Variants in CNTNAP2 observed in about 807,000 individuals in gnomAD.
The protein encoded by CNTNAP2 is contactin associated protein 2, also known as contactin-associated protein-like 2.
A neutral mutation model predicts 155.2 loss-of-function variants in CNTNAP2; 98 were observed. The observed-to-expected ratio is 0.63, with a 90% CI of 0.54 to 0.75. CNTNAP2 has a LOEUF of 0.75. Among genes scored for constraint, CNTNAP2 ranks in the 30% least tolerant of loss-of-function variants. CNTNAP2 has a pLI of 0.00. For synonymous variants in CNTNAP2, 651 were observed against 631.2 expected (o/e 1.03, Z -0.47); for missense variants, 1,727 against 1,688.1 (o/e 1.02, Z -0.40).
chr7:148,149,335 T>A (rs997042350), intron 17 of CNTNAP2, among the ~76,000 whole-genome samples: 1 of 151,982 alleles, frequency 6.6e-6, no homozygotes, highest in South Asian at 2.1e-4. Context: ...GACCCAATAA[T>A]AACTTAAGAA....
At chr7:148,106,215 T>C (rs976089999) in intron 15 of CNTNAP2, among the ~76,000 whole-genome samples, 2 of 152,304 alleles carry the variant, frequency 1.3e-5, no homozygotes, top group Non-Finnish European at 2.9e-5. Flanking sequence ...TGCTTTCAGA[T>C]ATTTAGAGTT....
At position 147,728,488 on chromosome 7, in the gene CNTNAP2, A is replaced by G. The variant is rs145040597; in HGVS notation, c.2098+89182A>G. ...TGTCCATTTAGCGCCCAGAAATATCAAATGGGGATCAGAGTAGCCCTAAAA... is the reference window on the plus strand; with the variant it reads ...TGTCCATTTAGCGCCCAGAAATATCGAATGGGGATCAGAGTAGCCCTAAAA... On this transcript the variant is annotated intron_variant, in intron 13 of 23. Transcript: ENST00000361727. Among the ~76,000 whole-genome samples the G allele has an allele frequency of 3.2e-3, 492 of 152,140 alleles. 6 individuals are homozygous for G. Among genetic ancestry groups the G allele is most frequent in the African/African-American group, 0.011 (464 of 41,532 alleles).
At position 147,351,901 on chromosome 7, in the gene CNTNAP2, T is replaced by C. The variant is rs1011119488; in HGVS notation, c.1499-43708T>C. ...GGCAAGTGATTAGGTAATATGAACA[T>C]GTGATTTAAGGTGAAAATCTTCTTT... On this transcript the variant is annotated intron_variant, in intron 9 of 23. Coordinates refer to ENST00000361727, the MANE Select transcript of CNTNAP2 (RefSeq NM_014141.6). Among the ~76,000 whole-genome samples, 14 of 152,066 alleles carry C rather than the reference T, an allele frequency of 9.2e-5. No homozygotes were observed. In the Middle Eastern group the frequency reaches 0.01, roughly 111 times the overall value.
intron 2 of CNTNAP2, among the ~76,000 whole-genome samples, chr7:146,795,318 CCT>C (rs1274724959): frequency 6.6e-6 from 1 of 152,042 alleles, no homozygotes; most frequent in Non-Finnish European, 1.5e-5. Context: ...TCTTTTTGGC[CCT>C]GAGTTTACTT....
At chr7:146,315,953 A>G (rs1800898250) in intron 1 of CNTNAP2, among the ~76,000 whole-genome samples, 2 of 152,188 alleles carry the variant, frequency 1.3e-5, no homozygotes, top group Admixed American at 6.5e-5. Flanking sequence ...TTGAAATTAT[A>G]AAAAGTCTCT....
chr7:147,210,215 A>T (rs978797405), intron 8 of CNTNAP2, among the ~76,000 whole-genome samples: 1 of 151,994 alleles, frequency 6.6e-6, no homozygotes, highest in African/African-American at 2.4e-5. Context: ...CTGTTAATCC[A>T]TCTGATTCAG....
At chr7:146,918,944 G>T (rs1418916692) in intron 3 of CNTNAP2, among the ~76,000 whole-genome samples, 1 of 152,098 alleles carries the variant, frequency 6.6e-6, no homozygotes, top group Non-Finnish European at 1.5e-5. Flanking sequence ...GACCTCTGAG[G>T]TTCTTTCTTC....
At chr7:146,999,152 G>T (rs1182883397) in intron 3 of CNTNAP2, among the ~76,000 whole-genome samples, 2 of 149,378 alleles carry the variant, frequency 1.3e-5, no homozygotes, top group East Asian at 2.0e-4. Flanking sequence ...TCTGTTATAG[G>T]CTTTTGAGTT....
At chr7:147,720,976 A>G (rs1184770781) in intron 13 of CNTNAP2, among the ~76,000 whole-genome samples, 1 of 152,072 alleles carries the variant, frequency 6.6e-6, no homozygotes, top group Non-Finnish European at 1.5e-5. Context: ...AACCCCATCA[A>G]TTCCCAAATA....
chr7:147,658,053 G>A lies in CNTNAP2; in HGVS notation c.2098+18747G>A, dbSNP rs181354200. The stretch of plus-strand genomic sequence containing the variant: ...GGGCGGATCACGAGGTCAGGAGATC[G>A]AGACCATCCCGGCAAAAATGGTGAA... On this transcript the variant is annotated intron_variant, in intron 13 of 23. Transcript: ENST00000361727. 9.9e-4 allele frequency among the ~76,000 whole-genome samples: 118 copies of A among 119,608 alleles called. 7 individuals carry two copies. The East Asian group carries it at 0.024, about 25-fold the overall frequency. The allele number at this position is 119,608 out of a possible 152,430, so 78.5% of individuals were successfully genotyped here.
intron 13 of CNTNAP2, among the ~76,000 whole-genome samples, chr7:147,706,150 T>C (rs1796311515): frequency 6.6e-6 from 1 of 151,788 alleles, no homozygotes; most frequent in African/African-American, 2.4e-5. Context: ...TTGTTTATTA[T>C]AGAAAACCTT....
chr7:148,403,837 A>G (rs1236678467), intron 22 of CNTNAP2, among the ~76,000 whole-genome samples: 1 of 152,198 alleles, frequency 6.6e-6, no homozygotes, highest in African/African-American at 2.4e-5. Context: ...CCAGGCTTAC[A>G]GCATAAATAA....
chr7:148,115,744 G>A (rs959306033), intron 15 of CNTNAP2, among the ~76,000 whole-genome samples: 3 of 152,062 alleles, frequency 2.0e-5, no homozygotes, highest in Non-Finnish European at 4.4e-5. Context: ...CCTGTTACCA[G>A]TAGCCTACAC....
At chr7:146,895,495 C>T (rs565485083) in intron 3 of CNTNAP2, among the ~76,000 whole-genome samples, 2 of 152,174 alleles carry the variant, frequency 1.3e-5, no homozygotes, top group South Asian at 2.1e-4. Flanking sequence ...AATAAAATCT[C>T]ATAATCAAAT....
intron 3 of CNTNAP2, among the ~76,000 whole-genome samples, chr7:146,890,884 C>T (rs918938924): frequency 1.3e-5 from 2 of 152,096 alleles, no homozygotes; most frequent in African/African-American, 4.8e-5. Flanking sequence ...AATCCCATTT[C>T]TGGGTATATA....
intron 21 of CNTNAP2, among the ~76,000 whole-genome samples, chr7:148,269,436 G>A (rs1796735340): frequency 6.6e-6 from 1 of 152,164 alleles, no homozygotes; most frequent in Non-Finnish European, 1.5e-5. Flanking sequence ...TTTATGTTCT[G>A]TGAACAAGAA....
intron 3 of CNTNAP2, among the ~76,000 whole-genome samples, chr7:146,930,124 A>G (rs565508857): frequency 2.8e-4 from 42 of 152,268 alleles, no homozygotes; most frequent in Non-Finnish European, 5.9e-4. Flanking sequence ...AGCAACTCCA[A>G]GACACATAAT....
intron 13 of CNTNAP2, among the ~76,000 whole-genome samples, chr7:147,702,095 A>G (rs1171973461): frequency 7.8e-6 from 1 of 128,848 alleles, no homozygotes; most frequent in African/African-American, 3.1e-5. Context: ...ATACTTGTCC[A>G]TATCTCTCTG....
chr7:146,739,807 A>G (rs1801681350), intron 1 of CNTNAP2, among the ~76,000 whole-genome samples: 1 of 151,968 alleles, frequency 6.6e-6, no homozygotes, highest in Non-Finnish European at 1.5e-5. Flanking sequence ...CTTGGTTTGT[A>G]TATTTAGGTG....
Sources: allele counts gnomAD v4.1 joint callset (sites outside exome capture counted in the v4.1 genomes callset), GRCh38; gene constraint gnomAD v4.1.1; transcripts MANE v1.5; gene names NCBI Gene and HGNC (gene_info 2026-07-23, HGNC 2026-07-21).